The following LATS1 variants were observed in gnomAD, a reference collection of about 807,000 sequenced individuals.
The protein encoded by LATS1 is large tumor suppressor kinase 1, also known as serine/threonine-protein kinase LATS1.
LATS1 carries 25 observed loss-of-function variants against 106.6 expected under a neutral mutation model. The observed-to-expected ratio is 0.23, with a 90% confidence interval of 0.17 to 0.33. The LOEUF (loss-of-function observed/expected upper bound fraction) is 0.33. LATS1 is among the 10% of genes least tolerant of loss of function. The pLI, the probability that LATS1 is intolerant of heterozygous loss-of-function variation, is 1.00. For synonymous variants in LATS1, 465 were observed against 455.6 expected, an observed-to-expected ratio of 1.02 and a Z score of -0.26; for missense variants, 1,040 against 1,382.6, an observed-to-expected ratio of 0.75 and a Z score of 3.93.
At chr6:149,688,097 G>C (rs950595031) in intron 3 of LATS1, among the ~76,000 whole-genome samples, 3 of 149,222 alleles carry the variant, frequency 2.0e-5, no homozygotes, top group African/African-American at 7.4e-5. Context: ...GGATGGTCTC[G>C]ATCTCCTGAC....
intron 1 of LATS1, among the ~76,000 whole-genome samples, chr6:149,713,206 A>T: frequency 6.6e-6 from 1 of 152,196 alleles, no homozygotes; most frequent in Non-Finnish European, 1.5e-5. Context: ...CTCCCCTCCA[A>T]AGCAGAGAAG....
At chr6:149,676,941 T>TAA (rs1265563503) in intron 5 of LATS1, among the ~76,000 whole-genome samples, 4 of 151,930 alleles carry the variant, frequency 2.6e-5, no homozygotes, top group Non-Finnish European at 5.9e-5. Context: ...ATTTTACACT[T>TAA]AAAAAAAATT....
chr6:149,703,371 T>C (rs1468554210), intron 1 of LATS1, among the ~76,000 whole-genome samples: 1 of 152,248 alleles, frequency 6.6e-6, no homozygotes, highest in Non-Finnish European at 1.5e-5. Context: ...ACTAGGACTC[T>C]GATATGGTTT....
At chr6:149,712,394 C>A (rs1784156115) in intron 1 of LATS1, among the ~76,000 whole-genome samples, 1 of 152,114 alleles carries the variant, frequency 6.6e-6, no homozygotes, top group Non-Finnish European at 1.5e-5. Context: ...GACGGAGTTT[C>A]TCCATGTTGG....
chr6:149,717,102 T>C (rs1784441140), intron 1 of LATS1, among the ~76,000 whole-genome samples: 1 of 152,226 alleles, frequency 6.6e-6, no homozygotes, highest in African/African-American at 2.4e-5. Context: ...GTTCACTAGA[T>C]TTATGAATAA....
At position 149,703,253 on chromosome 6, in the gene LATS1, G is replaced by A. The variant is rs535004567; in HGVS notation, c.-140-987C>T. 3.0e-3 allele frequency among the ~76,000 whole-genome samples: 450 copies of A among 152,326 alleles called. 2 individuals carry two copies. The highest frequency in any genetic ancestry group is 0.014 in the Middle Eastern group (4 of 294). On this transcript the variant is annotated intron_variant, in intron 1 of 7. Transcript: ENST00000543571. ...GCCTCCCAAAGTGCTGGGATTGCAG[G>A]CTTGAGCCACTGCAATCCTCCACTT...
chr6:149,706,545 T>C (rs927430967), intron 1 of LATS1, among the ~76,000 whole-genome samples: 4 of 152,174 alleles, frequency 2.6e-5, no homozygotes, highest in African/African-American at 9.7e-5. Flanking sequence ...TAATCTTCTC[T>C]GGAACTTGTA....
At chr6:149,712,718 G>A (rs1425269389) in intron 1 of LATS1, among the ~76,000 whole-genome samples, 2 of 152,192 alleles carry the variant, frequency 1.3e-5, no homozygotes, top group African/African-American at 4.8e-5. Flanking sequence ...TTAGGGCCGG[G>A]TGCAGTGGCT....
rs1244092162 is a variant in LATS1, at chr6:149,659,780, CAT to C, written c.*1947_*1948del. ...GGGACTAACCAAATGTTCCATGAAC[CAT>C]GAGGTGAAGACTGCGATTTCATGAT... is the stretch of plus-strand genomic sequence containing the variant. On this transcript the variant is annotated 3_prime_UTR_variant, in exon 8 of 8. Transcript: ENST00000543571. 4.4e-6 allele frequency: 1 copy of C among 225,986 alleles called. No homozygotes were observed. The highest frequency in any genetic ancestry group is 2.2e-5 in the African/African-American group (1 of 44,978). 14.0% of individuals were successfully genotyped at this position (225,986 alleles called of 1,614,324 possible).
chr6:149,686,976 CTACTT>C (rs1333427636), intron 3 of LATS1, among the ~76,000 whole-genome samples: 2 of 152,166 alleles, frequency 1.3e-5, no homozygotes, highest in African/African-American at 2.4e-5. Flanking sequence ...TTCAGAATAA[CTACTT>C]TAAGGTTTAT....
At chr6:149,665,762 T>C (rs1781111219) in intron 7 of LATS1, among the ~76,000 whole-genome samples, 1 of 152,042 alleles carries the variant, frequency 6.6e-6, no homozygotes, top group African/African-American at 2.4e-5. Flanking sequence ...AAACTGACAT[T>C]GAAATCAAAA....
At chr6:149,704,172 T>G (rs1373128732) in intron 1 of LATS1, among the ~76,000 whole-genome samples, 7 of 152,062 alleles carry the variant, frequency 4.6e-5, no homozygotes, top group Admixed American at 3.3e-4. Context: ...CCCAGCTAAT[T>G]TTGTATTTTT....
At chr6:149,662,632 A>T (rs1780932739) in intron 7 of LATS1, among the ~76,000 whole-genome samples, 1 of 152,078 alleles carries the variant, frequency 6.6e-6, no homozygotes, top group African/African-American at 2.4e-5. Flanking sequence ...AGTGCTCAGT[A>T]AATTGCCTGG....
chr6:149,661,885 G>A lies in LATS1; in HGVS notation c.3237C>T (p.Thr1079=). Residue 1079 remains threonine, a synonymous_variant, in exon 8 of 8, where the codon ACC becomes ACT. Transcript: ENST00000543571. The part of the protein sequence containing the change: ...KHPEHAFYEF[T]FRRFFDDNGY... ...CATTGTCATCAAAAAACCTTCGGAA[G>A]GTAAATTCATAGAATGCATGTTCAG... 1.2e-6 allele frequency: 2 copies of A among 1,613,992 alleles called. No homozygotes were observed. The highest frequency in any genetic ancestry group is 2.2e-5 in the South Asian group (2 of 91,054).
intron 2 of LATS1, among the ~76,000 whole-genome samples, chr6:149,697,853 A>G (rs1017749740): frequency 6.6e-6 from 1 of 152,088 alleles, no homozygotes; most frequent in African/African-American, 2.4e-5. Flanking sequence ...CTCCTGCCTC[A>G]GCCTCCAGAG....
chr6:149,700,333 C>T (rs572982561), intron 2 of LATS1, among the ~76,000 whole-genome samples: 4 of 151,978 alleles, frequency 2.6e-5, no homozygotes, highest in East Asian at 1.9e-4. Flanking sequence ...AATAGCCAGG[C>T]GTCGTGGTGG....
chr6:149,717,271 A>C (rs1251401312), intron 1 of LATS1, among the ~76,000 whole-genome samples: 2 of 152,198 alleles, frequency 1.3e-5, no homozygotes, highest in African/African-American at 4.8e-5. Flanking sequence ...GTTATAAAAA[A>C]CACTGTTCCC....
rs776579213 is a variant in LATS1 at position 149,680,292 on chromosome 6, C to G, written c.2176G>C (p.Asp726His). 2.5e-6 allele frequency: 4 copies of G among 1,613,862 alleles called. No individual in the cohort carries two copies. In the South Asian group the frequency reaches 4.4e-5, roughly 18 times the overall value. Residue 726 changes from aspartate to histidine, a missense_variant, in exon 5 of 8, where the codon GAT becomes CAT. By Grantham distance (81) the Asp-to-His change is moderately conservative (BLOSUM62 -1). Around this residue, in one of 7 missense-constraint regions of LATS1, gnomAD observed 167 missense variants for 332.1 expected, o/e 0.50. Coordinates refer to ENST00000543571, the MANE Select transcript of LATS1 (RefSeq NM_004690.4). ...FGEVCLARKV[D>H]TKALYATKTL... ...TTTGTTGCATACAAAGCCTTAGTATCTACTTTTCTTGCTAGACAGACTTCA... is the reference window on the plus strand; with the variant it reads ...TTTGTTGCATACAAAGCCTTAGTATGTACTTTTCTTGCTAGACAGACTTCA...
chr6:149,684,319 G>C lies in LATS1; in HGVS notation c.770C>G (p.Pro257Arg). The stretch of plus-strand genomic sequence containing the variant: ...GGGAGGTGGAGTTGTACCTCTTGGA[G>C]GGGGAGTCTGGCCTCTTGGAGGTGG... ...PPPPPRGQTP[P>R]PRGTTPPPPS... Residue 257 changes from proline (P) to arginine (R), a missense_variant, in exon 4 of 8, where the codon CCT becomes CGT. This residue lies in a region of LATS1 where 624 missense variants were observed against 714.8 expected (regional missense o/e 0.87). Coordinates refer to ENST00000543571, the MANE Select transcript of LATS1 (RefSeq NM_004690.4). 6.2e-7 allele frequency: 1 copy of C among 1,614,056 alleles called. No homozygotes were observed. The highest frequency in any genetic ancestry group is 8.5e-7 in the Non-Finnish European group (1 of 1,179,986).
Sources: gnomAD v4.1 joint callset for allele counts (sites outside exome capture counted in the v4.1 genomes callset) on GRCh38, gnomAD v4.1.1 for gene constraint, gnomAD v4.1.1 regional missense constraint, MANE v1.5 for transcripts, NCBI Gene and HGNC (gene_info 2026-07-23, HGNC 2026-07-21) for gene names.